LIMCH1: variants seen among roughly 807,000 people sequenced by gnomAD.
LIMCH1 encodes the protein LIM and calponin homology domains-containing protein 1.
LIMCH1 carries 113 observed loss-of-function variants against 176.5 expected under a neutral mutation model. The observed-to-expected ratio is 0.64, with a 90% CI of 0.55 to 0.75. The LOEUF is 0.75. Ranked by LOEUF, LIMCH1 falls within the 30% of genes least tolerant of loss-of-function variation. The probability of loss-of-function intolerance (pLI) is 0.00; values close to 1 mark genes in which losing one functional copy is unlikely to be tolerated. For synonymous variants in LIMCH1, 619 were observed against 645.9 expected, an observed-to-expected ratio of 0.96 and a Z score of 0.63; for missense variants, 1,674 against 1,814.9, an observed-to-expected ratio of 0.92 and a Z score of 1.41.
intron 1 of LIMCH1, among the ~76,000 whole-genome samples, chr4:41,585,832 A>G (rs1182548353): frequency 1.3e-5 from 2 of 152,164 alleles, no homozygotes; most frequent in Non-Finnish European, 2.9e-5. Context: ...TTCTACTACC[A>G]TTGGTTACAC....
chr4:41,459,971 C>T (rs76104337), intron 1 of LIMCH1, among the ~76,000 whole-genome samples: 72 of 152,204 alleles, frequency 4.7e-4, no homozygotes, highest in Non-Finnish European at 9.3e-4. Context: ...CCCCAGTCTT[C>T]GCCCAAGTCT....
intron 15 of LIMCH1, among the ~76,000 whole-genome samples, chr4:41,645,318 T>A (rs1019533626): frequency 6.6e-6 from 1 of 152,258 alleles, no homozygotes; most frequent in African/African-American, 2.4e-5. Context: ...GTTTAAAAAG[T>A]TAACTTCTCC....
At chr4:41,400,147 A>G (rs935454422) in intron 1 of LIMCH1, among the ~76,000 whole-genome samples, 3 of 151,976 alleles carry the variant, frequency 2.0e-5, no homozygotes, top group Non-Finnish European at 2.9e-5. Flanking sequence ...CTGTATCTGA[A>G]TACTTGAGGA....
chr4:41,679,199 G>C (rs1455615715), intron 23 of LIMCH1, among the ~76,000 whole-genome samples: 1 of 152,148 alleles, frequency 6.6e-6, no homozygotes, highest in Non-Finnish European at 1.5e-5. Flanking sequence ...ACACATAAAT[G>C]GTTCCTTTGT....
Position 41,631,494 on chromosome 4 carries a change from G to A in LIMCH1, c.1601+17G>A, listed in dbSNP as rs563584525. ...TGACTGCAGGTATTTTTTGCCATAC[G>A]TGTGCAAGGATATCTGCATGGGAGT... is the stretch of plus-strand genomic sequence containing the variant. On this transcript the variant is annotated intron_variant, in intron 10 of 31. Transcript: ENST00000503057. The A allele has an allele frequency of 5.4e-6, 8 of 1,489,798 alleles. No homozygotes were observed. Among genetic ancestry groups the A allele is most frequent in the South Asian group, 2.7e-5 (2 of 74,472 alleles). 92.3% of individuals were successfully genotyped at this position (1,489,798 alleles called of 1,614,324 possible).
intron 29 of LIMCH1, 61 bp from the exon 30 acceptor site, chr4:41,689,466 G>T (rs1481719244): frequency 1.2e-6 from 1 of 858,424 alleles, no homozygotes; most frequent in Non-Finnish European, 2.0e-6. Context: ...TTACATGTCT[G>T]TGTGTTTGAC....
chr4:41,529,207 G>C (rs1348125968), intron 3 of LIMCH1, among the ~76,000 whole-genome samples: 1 of 152,144 alleles, frequency 6.6e-6, no homozygotes, highest in African/African-American at 2.4e-5. Flanking sequence ...CAGAGATCAT[G>C]CTAAATGTTG....
chr4:41,468,235 C>A (rs1561465456), intron 1 of LIMCH1, among the ~76,000 whole-genome samples: 1 of 123,886 alleles, frequency 8.1e-6, no homozygotes, highest in Non-Finnish European at 1.7e-5. Flanking sequence ...CTCCCCTCCC[C>A]TCTCTCCCTC....
chr4:41,637,999 C>A (rs1454557466), intron 13 of LIMCH1, among the ~76,000 whole-genome samples: 4 of 152,234 alleles, frequency 2.6e-5, no homozygotes, highest in African/African-American at 9.6e-5. Context: ...CTTTGTCCAC[C>A]ATCAGAATTG....
intron 2 of LIMCH1, 31 bp from the exon 3 acceptor site, chr4:41,603,835 GCTATTCTGA>G: frequency 6.8e-7 from 1 of 1,471,176 alleles, no homozygotes; most frequent in Non-Finnish European, 9.5e-7. Context: ...TTTAGAATCT[GCTATTCTGA>G]CAATATTTTC....
rs1731725645 is a variant in LIMCH1, at chr4:41,698,119, T to C, written c.*934T>C. 1 of 151,940 alleles carries C rather than the reference T, an allele frequency of 6.6e-6. No individual in the cohort carries two copies. The highest frequency in any genetic ancestry group is 1.5e-5 in the Non-Finnish European group (1 of 68,014). The allele number at this position is 151,940 out of a possible 1,614,324, so 9.4% of individuals were successfully genotyped here. ...TGGAAGATGAGGCACCGAGATAAGT[T>C]CATCATTAGGTGTGAGCACTGCTCA... On this transcript the variant is annotated 3_prime_UTR_variant, in exon 32 of 32. Transcript: ENST00000503057.
intron 4 of LIMCH1, among the ~76,000 whole-genome samples, chr4:41,609,458 G>A (rs1169670467): frequency 1.3e-5 from 2 of 152,126 alleles, no homozygotes; most frequent in East Asian, 3.9e-4. Context: ...AGGGTGGTGG[G>A]TGGAGAGTGG....
intron 1 of LIMCH1, among the ~76,000 whole-genome samples, chr4:41,561,725 G>A (rs1003724912): frequency 6.6e-6 from 1 of 152,174 alleles, no homozygotes; most frequent in African/African-American, 2.4e-5. Context: ...TTCCACTGAT[G>A]TTGAAGAACT....
At chr4:41,538,418 T>G in intron 1 of LIMCH1, 68 bp downstream of exon 1, 3 of 901,708 alleles carry the variant, frequency 3.3e-6, no homozygotes, top group Non-Finnish European at 4.0e-6. Context: ...AGGAAGCTAT[T>G]TAGACTTTAA....
chr4:41,363,915 G>A (rs2052555368), intron 1 of LIMCH1, among the ~76,000 whole-genome samples: 1 of 152,180 alleles, frequency 6.6e-6, no homozygotes, highest in South Asian at 2.1e-4. Flanking sequence ...CAGCAGGCAG[G>A]GGAGTGACTA....
chr4:41,464,705 C>T (rs757155968), intron 1 of LIMCH1, among the ~76,000 whole-genome samples: 10 of 152,114 alleles, frequency 6.6e-5, no homozygotes, highest in Non-Finnish European at 1.3e-4. Flanking sequence ...CAAGTCTGTT[C>T]ATTCTAACCT....
intron 1 of LIMCH1, among the ~76,000 whole-genome samples, chr4:41,374,449 G>A (rs140377170): frequency 6.6e-6 from 1 of 152,258 alleles, no homozygotes; most frequent in East Asian, 1.9e-4. Context: ...GCTCTGACAT[G>A]ATAGGCCACT....
chr4:41,500,577 G>A (rs1298678106), intron 2 of LIMCH1, among the ~76,000 whole-genome samples: 1 of 152,186 alleles, frequency 6.6e-6, no homozygotes, highest in African/African-American at 2.4e-5. Context: ...GTTCATATAG[G>A]TAGATGGTTC....
intron 1 of LIMCH1, among the ~76,000 whole-genome samples, chr4:41,564,882 G>A (rs953431962): frequency 2.0e-5 from 3 of 152,078 alleles, no homozygotes; most frequent in East Asian, 1.9e-4. Context: ...AGGGGCTTCC[G>A]CCTTTACTCA....
Sources: gnomAD v4.1 joint callset for allele counts (sites outside exome capture counted in the v4.1 genomes callset) on GRCh38, gnomAD v4.1.1 for gene constraint, MANE v1.5 for transcripts, NCBI Gene and HGNC (gene_info 2026-07-23, HGNC 2026-07-21) for gene names.